Variants in KIAA1958 observed in about 807,000 individuals in gnomAD.
The protein encoded by KIAA1958 is KIAA1958, also known as uncharacterized protein KIAA1958.
KIAA1958 carries 14 observed loss-of-function variants against 47.2 expected under a neutral mutation model. That is an observed-to-expected ratio of 0.30 (90% CI 0.20 to 0.46). The LOEUF is 0.46. KIAA1958 is among the 20% of genes least tolerant of loss of function. KIAA1958 has a pLI of 1.00. For synonymous variants in KIAA1958, 354 were observed against 353.3 expected, an observed-to-expected ratio of 1.00 and a Z score of -0.02; for missense variants, 803 against 909.2, an observed-to-expected ratio of 0.88 and a Z score of 1.50.
At chr9:112,647,462 A>G (rs1465465770) in intron 3 of KIAA1958, among the ~76,000 whole-genome samples, 1 of 152,160 alleles carries the variant, frequency 6.6e-6, no homozygotes, top group Non-Finnish European at 1.5e-5. Flanking sequence ...AAAAAAAACA[A>G]AAAACAAACA....
In KIAA1958 at chr9:112,618,489, A is replaced by G; in HGVS notation, c.1172-27161A>G. On this transcript the variant is annotated intron_variant, in intron 2 of 3. Transcript: ENST00000337530. The surrounding 1 kb of genome is among the most constrained non-coding windows in gnomAD (Gnocchi z 7.1). ...ACTGGAGACTTGAATGCCAAAACCA[A>G]GAGAGGGGGGACAGACTCCCGTGTG... The G allele has an allele frequency of 1.3e-6, 2 of 1,550,778 alleles. No individual in the cohort carries two copies. Among genetic ancestry groups the G allele is most frequent in the Non-Finnish European group, 1.7e-6 (2 of 1,147,022 alleles).
chr9:112,553,062 T>C (rs1249676129), intron 1 of KIAA1958, among the ~76,000 whole-genome samples: 1 of 151,854 alleles, frequency 6.6e-6, no homozygotes, highest in Non-Finnish European at 1.5e-5. Flanking sequence ...CCCCATCCTC[T>C]GCCCTCCCCT....
chr9:112,649,026 G>A (rs1837018860), intron 3 of KIAA1958, among the ~76,000 whole-genome samples: 1 of 151,792 alleles, frequency 6.6e-6, no homozygotes, highest in Non-Finnish European at 1.5e-5. Context: ...GACCAAAAAT[G>A]AACTTACAGA....
intron 1 of KIAA1958, among the ~76,000 whole-genome samples, chr9:112,572,996 A>G (rs1835565196): frequency 6.6e-6 from 1 of 152,152 alleles, no homozygotes; most frequent in African/African-American, 2.4e-5. Flanking sequence ...GCAGATAGCC[A>G]GGGCCGACAA....
chr9:112,652,423 G>A (rs777947309), intron 3 of KIAA1958, among the ~76,000 whole-genome samples: 39 of 152,088 alleles, frequency 2.6e-4, no homozygotes, highest in South Asian at 2.1e-4. Flanking sequence ...CAAACAACAC[G>A]GGCCAGAATG....
chr9:112,574,448 C>T lies in KIAA1958; in HGVS notation c.368C>T (p.Ser123Phe), dbSNP rs148552429. The T allele has an allele frequency of 8.1e-6, 13 of 1,614,082 alleles. No individual in the cohort carries two copies. The highest frequency in any genetic ancestry group is 4.5e-5 in the East Asian group (2 of 44,888). The change falls in exon 2 of 4, where the codon TCC becomes TTC. Residue 123 changes from serine (S) to phenylalanine (F), a missense_variant. By Grantham distance (155) the Ser-to-Phe change is radical. Transcript: ENST00000337530. ...CNRTRDSCDF[S>F]YCSEPSELDE... is the part of the protein sequence containing the mutation. ...CGGACCAGAGACTCTTGTGACTTCT[C>T]CTACTGTAGTGAGCCCTCTGAACTG...
chr9:112,591,496 C>T (rs13294397), intron 2 of KIAA1958, among the ~76,000 whole-genome samples: 1 of 151,840 alleles, frequency 6.6e-6, no homozygotes, highest in Non-Finnish European at 1.5e-5. Flanking sequence ...AACTTCATTC[C>T]CTCTTATTTT....
At position 112,574,065 on chromosome 9, in the gene KIAA1958, C is replaced by G. The variant is rs770493576; in HGVS notation, c.-16C>G. ...TGATTATTTCCCTTTAGGAGTGACA[C>G]TGCTGATCCTGTAACATGGAGGATT... On this transcript the variant is annotated 5_prime_UTR_variant, in exon 2 of 4. Coordinates refer to ENST00000337530, the MANE Select transcript of KIAA1958 (RefSeq NM_133465.4). 5 of 1,524,866 alleles carry G rather than the reference C, an allele frequency of 3.3e-6. No individual in the cohort carries two copies. In the Admixed American group the frequency reaches 9.4e-5, roughly 29 times the overall value. 94.5% of individuals were successfully genotyped at this position (1,524,866 alleles called of 1,614,324 possible).
rs376418771 is a variant in KIAA1958 at position 112,539,772 on chromosome 9, C to G, written c.-24-34285C>G. Among the ~76,000 whole-genome samples the G allele has an allele frequency of 3.9e-5, 6 of 152,178 alleles. No homozygotes were observed. The South Asian group carries it at 1.2e-3, about 32-fold the overall frequency. On this transcript the variant is annotated intron_variant, in intron 1 of 3. Coordinates refer to ENST00000337530, the MANE Select transcript of KIAA1958 (RefSeq NM_133465.4). ...GTGGCACGATCTTGGCTCACTGTAA[C>G]CTCTGCGTCCAGGGTTCAAGTGATT...
At chr9:112,559,652 C>G (rs142605595) in intron 1 of KIAA1958, among the ~76,000 whole-genome samples, 3 of 152,146 alleles carry the variant, frequency 2.0e-5, no homozygotes, top group Non-Finnish European at 4.4e-5. Context: ...TTTCAAGCAT[C>G]GGGGACAGAT....
In KIAA1958 at chr9:112,618,987, G is replaced by C. The variant is rs1044913261; in HGVS notation, c.1172-26663G>C. ...AAACTGTGATTATACACCGCTTCTCGTTCCCCTTCCTGTGCCCTCAGTGTT... is the reference window on the plus strand; with the variant it reads ...AAACTGTGATTATACACCGCTTCTCCTTCCCCTTCCTGTGCCCTCAGTGTT... On this transcript the variant is annotated intron_variant, in intron 2 of 3. Transcript: ENST00000337530. This position sits in a 1 kb window ranked among gnomAD's most constrained non-coding sequence, Gnocchi z 7.1. The C allele has an allele frequency of 9.7e-6, 14 of 1,436,506 alleles. No homozygotes were observed. In the African/African-American group the frequency reaches 2.0e-4, roughly 21 times the overall value. The allele number at this position is 1,436,506 out of a possible 1,614,324, so 89.0% of individuals were successfully genotyped here.
chr9:112,561,613 G>C (rs554810697), intron 1 of KIAA1958, among the ~76,000 whole-genome samples: 1 of 152,166 alleles, frequency 6.6e-6, no homozygotes, highest in Non-Finnish European at 1.5e-5. Context: ...CCAGCACTCT[G>C]GGAGGCTGAG....
intron 1 of KIAA1958, among the ~76,000 whole-genome samples, chr9:112,550,818 C>T (rs887493363): frequency 1.3e-5 from 2 of 152,184 alleles, no homozygotes; most frequent in Non-Finnish European, 2.9e-5. Context: ...CTGTGTGAAC[C>T]TGTGCGACTG....
intron 2 of KIAA1958, among the ~76,000 whole-genome samples, chr9:112,624,354 T>C (rs1222375092): frequency 6.6e-6 from 1 of 152,208 alleles, no homozygotes; most frequent in East Asian, 1.9e-4. Context: ...TATTCAAACA[T>C]TGCTTTCCCT....
chr9:112,506,753 G>A (rs1834242408), intron 1 of KIAA1958, among the ~76,000 whole-genome samples: 1 of 151,410 alleles, frequency 6.6e-6, no homozygotes, highest in African/African-American at 2.4e-5. Context: ...GATAGAGTCT[G>A]CAGTGTTTCT....
At chr9:112,565,486 G>A (rs1270105829) in intron 1 of KIAA1958, among the ~76,000 whole-genome samples, 1 of 152,226 alleles carries the variant, frequency 6.6e-6, no homozygotes, top group Non-Finnish European at 1.5e-5. Flanking sequence ...ATATGGGGAA[G>A]TGCCACCTGA....
intron 2 of KIAA1958, among the ~76,000 whole-genome samples, chr9:112,607,813 C>T (rs904184230): frequency 2.0e-5 from 3 of 149,390 alleles, no homozygotes; most frequent in Admixed American, 6.6e-5. Flanking sequence ...TAATGCTGAC[C>T]ATTGGCTTTT....
intron 2 of KIAA1958, among the ~76,000 whole-genome samples, chr9:112,586,594 A>T (rs533704622): frequency 3.6e-4 from 55 of 152,314 alleles, no homozygotes; most frequent in Middle Eastern, 3.4e-3. Flanking sequence ...CTTCAAGGGC[A>T]TTTTCATATT....
chr9:112,593,453 G>A (rs953019355), intron 2 of KIAA1958, among the ~76,000 whole-genome samples: 2 of 152,250 alleles, frequency 1.3e-5, no homozygotes, highest in Admixed American at 6.5e-5. Flanking sequence ...TTTTAGGGGG[G>A]CTTAGATTAC....
Sources: gnomAD v4.1 joint callset for allele counts (sites outside exome capture counted in the v4.1 genomes callset) on GRCh38, gnomAD v4.1.1 for gene constraint, Gnocchi (gnomAD v3.1) non-coding constraint, MANE v1.5 for transcripts, NCBI Gene and HGNC (gene_info 2026-07-23, HGNC 2026-07-21) for gene names.